PSEN1: variants seen among roughly 807,000 people sequenced by gnomAD.
PSEN1 encodes presenilin 1.
In PSEN1, 15 loss-of-function variants were observed where a neutral mutation model predicts 53.5. The observed-to-expected ratio is 0.28, with a 90% CI of 0.19 to 0.43. The LOEUF is 0.43. Ranked by LOEUF, PSEN1 falls within the 20% of genes least tolerant of loss-of-function variation. The probability of loss-of-function intolerance (pLI) is 1.00; values close to 1 mark genes in which losing one functional copy is unlikely to be tolerated. For missense variants in PSEN1, 387 were observed against 571.2 expected, an observed-to-expected ratio of 0.68 and a Z score of 3.29; for synonymous variants, 208 against 209.8, an observed-to-expected ratio of 0.99 and a Z score of 0.08.
chr14:73,161,937 C>G (rs1189582679), intron 3 of PSEN1, among the ~76,000 whole-genome samples: 1 of 149,338 alleles, frequency 6.7e-6, no homozygotes, highest in African/African-American at 2.5e-5. Context: ...GGCGGATCAC[C>G]TGAGGTCAGG....
At chr14:73,151,328 G>T (rs1263976960) in intron 3 of PSEN1, among the ~76,000 whole-genome samples, 1 of 152,152 alleles carries the variant, frequency 6.6e-6, no homozygotes, top group East Asian at 1.9e-4. Flanking sequence ...ATTAGTCTGT[G>T]TGCACTTGTG....
chr14:73,213,864 A>T (rs1462848677), intron 10 of PSEN1, among the ~76,000 whole-genome samples: 1 of 152,246 alleles, frequency 6.6e-6, no homozygotes, highest in Admixed American at 6.5e-5. Flanking sequence ...GAGGATGCGA[A>T]GAAACTGGAA....
intron 3 of PSEN1, among the ~76,000 whole-genome samples, chr14:73,153,662 A>ATTTTTTTAT (rs1555351089): frequency 7.2e-6 from 1 of 138,666 alleles, no homozygotes; most frequent in African/African-American, 2.7e-5. Context: ...CCATTAAGTC[A>ATTTTTTTAT]TTTTTTTTTT....
intron 3 of PSEN1, among the ~76,000 whole-genome samples, chr14:73,156,798 G>A (rs986713925): frequency 4.0e-5 from 6 of 151,822 alleles, no homozygotes; most frequent in Non-Finnish European, 7.4e-5. Context: ...GAGTAGCTGC[G>A]ACTACAGGCG....
chr14:73,186,036 T>C (rs904590956), intron 5 of PSEN1, among the ~76,000 whole-genome samples: 1 of 152,114 alleles, frequency 6.6e-6, no homozygotes, highest in African/African-American at 2.4e-5. Flanking sequence ...GTTGGAAAAT[T>C]TTTGTGGAAG....
At chr14:73,166,966 G>T (rs535289882) in intron 3 of PSEN1, among the ~76,000 whole-genome samples, 9 of 152,072 alleles carry the variant, frequency 5.9e-5, no homozygotes, top group South Asian at 2.1e-4. Context: ...CTTTTGTATT[G>T]CTATAACAGA....
chr14:73,178,165 C>G (rs1007789415), intron 5 of PSEN1, among the ~76,000 whole-genome samples: 1 of 151,192 alleles, frequency 6.6e-6, no homozygotes, highest in Non-Finnish European at 1.5e-5. Context: ...AGTATTCCGC[C>G]TGCCTGGGCC....
At chr14:73,202,542 G>A (rs1345845849) in intron 8 of PSEN1, among the ~76,000 whole-genome samples, 31 of 116,104 alleles carry the variant, frequency 2.7e-4, no homozygotes, top group Admixed American at 4.2e-4. Context: ...GCGTGATCTC[G>A]ACTCACTGCA....
Position 73,173,554 on chromosome 14 carries a change from G to T in PSEN1, c.339-12G>T, listed in dbSNP as rs1283558993. The T allele has an allele frequency of 6.2e-7, 1 of 1,613,712 alleles. No homozygotes were observed. Among genetic ancestry groups the T allele is most frequent in the African/African-American group, 1.3e-5 (1 of 74,900 alleles). ...ACACTGACCTAGGGCTTTTGTGTTT[G>T]TTTTATTGTAGAATCTATACCCCAT... On this transcript the variant is annotated splice_polypyrimidine_tract_variant and intron_variant, in intron 4 of 11. Transcript: ENST00000324501.
intron 3 of PSEN1, among the ~76,000 whole-genome samples, chr14:73,158,282 T>TTCTGTCTATCTA (rs150258982): frequency 7.1e-6 from 1 of 141,464 alleles, no homozygotes; most frequent in African/African-American, 2.7e-5. Flanking sequence ...TAACTTTTTT[T>TTCTGTCTATCTA]TCTATCTATC....
At chr14:73,153,775 C>T (rs984294650) in intron 3 of PSEN1, among the ~76,000 whole-genome samples, 11 of 141,384 alleles carry the variant, frequency 7.8e-5, no homozygotes, top group African/African-American at 1.1e-4. Context: ...TTCAGTTGTG[C>T]GATCTCGGCT....
rs748595733 is a variant in PSEN1, at chr14:73,219,319, T to C, written c.*30T>C. Reference sequence around the variant, plus strand: ...TTTGCGGTTAGAATCCCATGGATGTTTCTTCTTTGACTATAACAAAATCTG... The same window carrying C: ...TTTGCGGTTAGAATCCCATGGATGTCTCTTCTTTGACTATAACAAAATCTG... On this transcript the variant is annotated 3_prime_UTR_variant, in exon 12 of 12. Coordinates refer to ENST00000324501, the MANE Select transcript of PSEN1 (RefSeq NM_000021.4). 1 of 1,598,618 alleles carries C rather than the reference T, an allele frequency of 6.3e-7. No homozygotes were observed. The highest frequency in any genetic ancestry group is 8.6e-7 in the Non-Finnish European group (1 of 1,166,880).
At chr14:73,151,983 C>G (rs1897245072) in intron 3 of PSEN1, among the ~76,000 whole-genome samples, 2 of 127,880 alleles carry the variant, frequency 1.6e-5, no homozygotes, top group Admixed American at 9.0e-5. Flanking sequence ...ACGATCTCGG[C>G]TCACTGCAAG....
chr14:73,177,829 CTG>C (rs948518979), intron 5 of PSEN1, among the ~76,000 whole-genome samples: 3 of 152,066 alleles, frequency 2.0e-5, no homozygotes, highest in African/African-American at 7.2e-5. Context: ...AATTATGGGA[CTG>C]TGTGAGGATT....
intron 3 of PSEN1, among the ~76,000 whole-genome samples, chr14:73,160,969 C>CT (rs552718246): frequency 0.1 from 9,545 of 91,580 alleles, 657 homozygotes; most frequent in African/African-American, 0.16. Flanking sequence ...ATATGATTTG[C>CT]TTTTTTTTTT....
chr14:73,159,561 G>A (rs1223077935), intron 3 of PSEN1, among the ~76,000 whole-genome samples: 2 of 152,142 alleles, frequency 1.3e-5, no homozygotes, highest in African/African-American at 4.8e-5. Context: ...ATATTCAATT[G>A]TTTCAGCACT....
intron 4 of PSEN1, among the ~76,000 whole-genome samples, chr14:73,173,339 A>G (rs963111083): frequency 6.6e-6 from 1 of 152,222 alleles, no homozygotes; most frequent in African/African-American, 2.4e-5. Flanking sequence ...TCTGCTTCAC[A>G]TGTTAAGTCC....
At chr14:73,162,411 TG>T (rs1278544303) in intron 3 of PSEN1, among the ~76,000 whole-genome samples, 1 of 151,482 alleles carries the variant, frequency 6.6e-6, no homozygotes, top group East Asian at 2.0e-4. Context: ...GAGGGCAATT[TG>T]GCATGCTCTC....
At chr14:73,199,162 G>A (rs1026400201) in intron 8 of PSEN1, among the ~76,000 whole-genome samples, 3 of 152,190 alleles carry the variant, frequency 2.0e-5, no homozygotes, top group Non-Finnish European at 1.5e-5. Context: ...GGGTCACTAG[G>A]TAGACATTGC....
Sources: allele counts gnomAD v4.1 joint callset (sites outside exome capture counted in the v4.1 genomes callset), GRCh38; gene constraint gnomAD v4.1.1; transcripts MANE v1.5; gene names NCBI Gene and HGNC (gene_info 2026-07-23, HGNC 2026-07-21).